RPTOR: variants seen among roughly 807,000 people sequenced by gnomAD.
The protein encoded by RPTOR is regulatory-associated protein of mTOR.
In RPTOR, 21 loss-of-function variants were observed where a neutral mutation model predicts 169.9. That is an observed-to-expected ratio of 0.12 (90% CI 0.09 to 0.18). The LOEUF (loss-of-function observed/expected upper bound fraction) is 0.18. Among genes scored for constraint, RPTOR ranks in the 10% least tolerant of loss-of-function variants. RPTOR has a pLI of 1.00. For synonymous variants in RPTOR, 732 were observed against 753.2 expected (o/e 0.97, Z 0.46); for missense variants, 1,133 against 1,855.9 (o/e 0.61, Z 7.16).
At chr17:80,697,817 G>C (rs1207788400) in intron 3 of RPTOR, among the ~76,000 whole-genome samples, 3 of 152,212 alleles carry the variant, frequency 2.0e-5, no homozygotes, top group African/African-American at 7.2e-5. Context: ...AAGGAGGAAG[G>C]CTCTGACAGA....
At chr17:80,560,756 C>T (rs1252798363) in intron 1 of RPTOR, among the ~76,000 whole-genome samples, 2 of 152,224 alleles carry the variant, frequency 1.3e-5, no homozygotes, top group Non-Finnish European at 2.9e-5. Context: ...CACACTGCCA[C>T]TCCCCAGCAC....
chr17:80,762,036 A>C (rs2066741573), intron 6 of RPTOR, among the ~76,000 whole-genome samples: 1 of 152,204 alleles, frequency 6.6e-6, no homozygotes, highest in South Asian at 2.1e-4. Flanking sequence ...GGCAGCTTCC[A>C]GGCCGTTTCC....
intron 3 of RPTOR, among the ~76,000 whole-genome samples, chr17:80,653,733 C>T (rs967375805): frequency 3.3e-5 from 5 of 152,236 alleles, no homozygotes; most frequent in Non-Finnish European, 5.9e-5. Context: ...CGCTGCAGGA[C>T]GTTCCTTCCC....
intron 3 of RPTOR, among the ~76,000 whole-genome samples, chr17:80,684,773 A>G (rs529811172): frequency 6.6e-6 from 1 of 152,188 alleles, no homozygotes; most frequent in East Asian, 1.9e-4. Context: ...CTGCTCTTAC[A>G]TGGCAAGATA....
chr17:80,893,079 C>T (rs574395269), intron 19 of RPTOR, among the ~76,000 whole-genome samples: 77 of 152,218 alleles, frequency 5.1e-4, no homozygotes, highest in Non-Finnish European at 1.0e-3. Context: ...CCAGCGGGCC[C>T]GTTACCAATG....
At chr17:80,559,729 C>T (rs1165454012) in intron 1 of RPTOR, among the ~76,000 whole-genome samples, 1 of 152,188 alleles carries the variant, frequency 6.6e-6, no homozygotes, top group Admixed American at 6.5e-5. Flanking sequence ...TGCCTGCTAC[C>T]ACTCCCTACC....
At chr17:80,748,692 T>C (rs2930782) in intron 5 of RPTOR, among the ~76,000 whole-genome samples, 3,934 of 46,508 alleles carry the variant, frequency 0.085, 246 homozygotes, top group African/African-American at 0.086. Flanking sequence ...GTTTAGAGGC[T>C]GTGGCGGGAG....
chr17:80,711,892 C>T (rs894847835), intron 4 of RPTOR, among the ~76,000 whole-genome samples: 9 of 151,554 alleles, frequency 5.9e-5, no homozygotes, highest in Non-Finnish European at 1.2e-4. Flanking sequence ...TACAGGCGCC[C>T]GCCGCCACGC....
chr17:80,961,108 C>T, intron 30 of RPTOR: 1 of 443,854 alleles, frequency 2.3e-6, no homozygotes, highest in Non-Finnish European at 4.0e-6. Flanking sequence ...TGGCCCCCGT[C>T]TCTGGGCAGC....
rs1292432158 is a variant in RPTOR, at chr17:80,860,112, C to T, written c.1509+2212C>T. On this transcript the variant is annotated intron_variant, in intron 13 of 33. Transcript: ENST00000306801. The surrounding 1 kb of genome is among the most constrained non-coding windows in gnomAD (Gnocchi z 5.8). Reference sequence around the variant, plus strand: ...GGAGAGTGGACGGAGCTTAAGCCCCCGGGGCTCCTGCCTGCTGCCCGGCGC... The same window carrying T: ...GGAGAGTGGACGGAGCTTAAGCCCCTGGGGCTCCTGCCTGCTGCCCGGCGC... Among the ~76,000 whole-genome samples, 1 of 152,214 alleles carries T rather than the reference C, an allele frequency of 6.6e-6. No individual in the cohort carries two copies. Among genetic ancestry groups the T allele is most frequent in the Non-Finnish European group, 1.5e-5 (1 of 68,022 alleles).
rs74001100 is a variant in RPTOR at position 80,830,409 on chromosome 17, G to T, written c.1136+7186G>T. 2.2e-3 allele frequency among the ~76,000 whole-genome samples: 341 copies of T among 152,318 alleles called. 2 individuals are homozygous for T. Among genetic ancestry groups the T allele is most frequent in the African/African-American group, 8.1e-3 (335 of 41,552 alleles). On this transcript the variant is annotated intron_variant, in intron 9 of 33. Transcript: ENST00000306801. ...CTCAGTCTGTATCAGTTCACTATGTGTGCAGAAAATTTATCGGAATGACTT... is the reference window on the plus strand; with the variant it reads ...CTCAGTCTGTATCAGTTCACTATGTTTGCAGAAAATTTATCGGAATGACTT...
rs1555641687 is a variant in RPTOR at position 80,960,217 on chromosome 17, C to T, written c.3605+12C>T. 1.2e-6 allele frequency: 2 copies of T among 1,613,232 alleles called. No individual in the cohort carries two copies. Among genetic ancestry groups the T allele is most frequent in the Middle Eastern group, 1.6e-4 (1 of 6,062 alleles). On this transcript the variant is annotated intron_variant, in intron 30 of 33. Coordinates refer to ENST00000306801, the MANE Select transcript of RPTOR (RefSeq NM_020761.3). This position sits in a 1 kb window ranked among gnomAD's most constrained non-coding sequence, Gnocchi z 4.8. ...GCACTCAGCGAATGGTACCTTGACC[C>T]TGTCCTCTCCCTCCCCGAGTGCTGG...
At chr17:80,939,103 AG>A (rs2068990836) in intron 24 of RPTOR, among the ~76,000 whole-genome samples, 1 of 152,210 alleles carries the variant, frequency 6.6e-6, no homozygotes, top group African/African-American at 2.4e-5. Flanking sequence ...AAAAGGAATT[AG>A]GGTTCTTACC....
chr17:80,702,487 A>G (rs958031782), intron 3 of RPTOR, among the ~76,000 whole-genome samples: 21 of 152,200 alleles, frequency 1.4e-4, no homozygotes, highest in African/African-American at 5.1e-4. Flanking sequence ...CCACACAGCT[A>G]TTATCCCTGG....
intron 17 of RPTOR, among the ~76,000 whole-genome samples, chr17:80,890,874 C>G (rs2068313748): frequency 6.6e-6 from 1 of 152,136 alleles, no homozygotes; most frequent in Non-Finnish European, 1.5e-5. Context: ...CTGGTGGGCG[C>G]CCATCCAGAG....
intron 3 of RPTOR, among the ~76,000 whole-genome samples, chr17:80,679,434 G>T (rs74000897): frequency 0.016 from 2,398 of 152,250 alleles, 66 homozygotes; most frequent in African/African-American, 0.055. Context: ...ATTTTTGGGG[G>T]GTGGTGGTTA....
rs548781415 is a variant in RPTOR, at chr17:80,910,990, C to T, written c.2520+2061C>T. ...GGACTACAGGCGTGAGCCACCACAC[C>T]CGGCTAATTTTTGTATTTTTAGGAG... is the stretch of plus-strand genomic sequence containing the variant. On this transcript the variant is annotated intron_variant, in intron 21 of 33. Transcript: ENST00000306801. 1.4e-4 allele frequency among the ~76,000 whole-genome samples: 22 copies of T among 152,200 alleles called. No individual in the cohort carries two copies. The South Asian group carries it at 4.6e-3, about 32-fold the overall frequency.
chr17:80,690,100 G>C (rs1423534162), intron 3 of RPTOR, among the ~76,000 whole-genome samples: 4 of 151,824 alleles, frequency 2.6e-5, no homozygotes, highest in Non-Finnish European at 1.5e-5. Flanking sequence ...TTATTCATTT[G>C]TTTATTTTTA....
chr17:80,798,831 A>G lies in RPTOR; in HGVS notation c.890+7322A>G, dbSNP rs79654467. 2.3e-4 allele frequency among the ~76,000 whole-genome samples: 35 copies of G among 152,338 alleles called. No individual in the cohort carries two copies. In the East Asian group the frequency reaches 6.2e-3, roughly 27 times the overall value. On this transcript the variant is annotated intron_variant, in intron 7 of 33. Coordinates refer to ENST00000306801, the MANE Select transcript of RPTOR (RefSeq NM_020761.3). ...GAGATTTTAATAAAAACGTTTGTGCATTATTGGCAGAGCTGTCAGTGGGTG... is the reference window on the plus strand; with the variant it reads ...GAGATTTTAATAAAAACGTTTGTGCGTTATTGGCAGAGCTGTCAGTGGGTG...
Sources: allele counts gnomAD v4.1 joint callset (sites outside exome capture counted in the v4.1 genomes callset), GRCh38; gene constraint gnomAD v4.1.1; non-coding constraint Gnocchi (gnomAD v3.1); transcripts MANE v1.5; gene names NCBI Gene and HGNC (gene_info 2026-07-23, HGNC 2026-07-21).